The following PBX3 variants were observed in gnomAD, a reference collection of about 807,000 sequenced individuals.
PBX3 encodes the protein PBX homeobox 3.
A neutral mutation model predicts 48.5 loss-of-function variants in PBX3; 14 were observed. That is an observed-to-expected ratio of 0.29 (90% confidence interval 0.19 to 0.45). The LOEUF is 0.45. Among genes scored for constraint, PBX3 ranks in the 20% least tolerant of loss-of-function variants. PBX3 has a pLI of 1.00. For synonymous variants in PBX3, 210 were observed against 200.3 expected, an observed-to-expected ratio of 1.05 and a Z score of -0.41; for missense variants, 386 against 546.7, an observed-to-expected ratio of 0.71 and a Z score of 2.93.
intron 2 of PBX3, among the ~76,000 whole-genome samples, chr9:125,879,444 C>G (rs1044415671): frequency 3.3e-5 from 5 of 151,910 alleles, no homozygotes; most frequent in African/African-American, 1.2e-4. Flanking sequence ...ATATGATAGC[C>G]CATAGGAAAG....
chr9:125,781,239 T>C (rs1336423656), intron 2 of PBX3, among the ~76,000 whole-genome samples: 1 of 151,162 alleles, frequency 6.6e-6, no homozygotes, highest in Non-Finnish European at 1.5e-5. Flanking sequence ...CATTGAGCAC[T>C]GAGTGAACCA....
chr9:125,964,853 T>C (rs574195530), intron 8 of PBX3, among the ~76,000 whole-genome samples: 7 of 152,208 alleles, frequency 4.6e-5, no homozygotes, highest in Admixed American at 1.3e-4. Context: ...AAGTTGCAAA[T>C]AGATGTGAGG....
chr9:125,940,180 G>A (rs1275164608), intron 5 of PBX3, among the ~76,000 whole-genome samples: 4 of 149,196 alleles, frequency 2.7e-5, no homozygotes, highest in Non-Finnish European at 5.9e-5. Context: ...GCAAAACTCC[G>A]TCTCAAAAAA....
At chr9:125,748,741 C>T (rs763508419) in intron 2 of PBX3, 118 bp downstream of exon 2, 76 of 675,496 alleles carry the variant, frequency 1.1e-4, no homozygotes, top group Non-Finnish European at 1.8e-4. Flanking sequence ...TGATCATTCT[C>T]TCCTTCCCAC....
intron 3 of PBX3, among the ~76,000 whole-genome samples, chr9:125,925,447 GTTTC>G (rs1215096342): frequency 2.0e-5 from 3 of 151,874 alleles, no homozygotes; most frequent in East Asian, 1.9e-4. Context: ...GTCTTTCTTT[GTTTC>G]TTTCTTTCTT....
At chr9:125,749,250 G>A (rs536964625) in intron 2 of PBX3, 2 of 152,334 alleles carry the variant, frequency 1.3e-5, no homozygotes, top group Non-Finnish European at 2.9e-5. Flanking sequence ...GTATAAAAAG[G>A]TCTACAGATG....
intron 2 of PBX3, among the ~76,000 whole-genome samples, chr9:125,826,140 G>A (rs1015740084): frequency 1.3e-5 from 2 of 152,064 alleles, no homozygotes; most frequent in Admixed American, 6.5e-5. Flanking sequence ...AGAGATTCTC[G>A]CCTAGTAAAT....
intron 3 of PBX3, 151 bp downstream of exon 3, chr9:125,916,078 G>A (rs1841326209): frequency 6.8e-6 from 8 of 1,179,044 alleles, no homozygotes; most frequent in Non-Finnish European, 7.0e-6. Context: ...TGAATTGTTG[G>A]ATTCATGAAA....
chr9:125,887,741 A>G (rs1188090329), intron 2 of PBX3, among the ~76,000 whole-genome samples: 1 of 152,200 alleles, frequency 6.6e-6, no homozygotes, highest in African/African-American at 2.4e-5. Flanking sequence ...TAAGTTCTTA[A>G]AAGTAAAAAG....
intron 2 of PBX3, among the ~76,000 whole-genome samples, chr9:125,843,442 C>T (rs1368769176): frequency 6.6e-6 from 1 of 151,942 alleles, no homozygotes; most frequent in Non-Finnish European, 1.5e-5. Context: ...TTTAAAAAGG[C>T]TTTTTCCTAT....
chr9:125,831,083 G>A (rs1417428311), intron 2 of PBX3, among the ~76,000 whole-genome samples: 1 of 152,096 alleles, frequency 6.6e-6, no homozygotes, highest in African/African-American at 2.4e-5. Flanking sequence ...TGTTTTTCCT[G>A]TAGAATGCCC....
chr9:125,780,568 C>T (rs1208789359), intron 2 of PBX3, among the ~76,000 whole-genome samples: 1 of 142,218 alleles, frequency 7.0e-6, no homozygotes, highest in Non-Finnish European at 1.5e-5. Context: ...AGAGGGGCTC[C>T]TCACTTCCCA....
At chr9:125,853,251 C>A (rs1394399200) in intron 2 of PBX3, among the ~76,000 whole-genome samples, 1 of 152,172 alleles carries the variant, frequency 6.6e-6, no homozygotes, top group African/African-American at 2.4e-5. Context: ...ATTAAGGTCT[C>A]ACTGATTTAC....
At chr9:125,846,082 T>G (rs1839420467) in intron 2 of PBX3, among the ~76,000 whole-genome samples, 1 of 152,118 alleles carries the variant, frequency 6.6e-6, no homozygotes, top group African/African-American at 2.4e-5. Flanking sequence ...TTTATGTGGG[T>G]TGAAGATGTC....
At chr9:125,817,094 G>A (rs1838488732) in intron 2 of PBX3, among the ~76,000 whole-genome samples, 3 of 152,178 alleles carry the variant, frequency 2.0e-5, no homozygotes, top group South Asian at 4.1e-4. Context: ...TGAAACTAGA[G>A]TGAAGAATTA....
intron 2 of PBX3, among the ~76,000 whole-genome samples, chr9:125,885,419 A>G (rs1840475032): frequency 6.6e-6 from 1 of 152,196 alleles, no homozygotes; most frequent in African/African-American, 2.4e-5. Flanking sequence ...ATATGTACAT[A>G]TATAGATTAT....
chr9:125,783,245 T>C (rs1420371872), intron 2 of PBX3, among the ~76,000 whole-genome samples: 1 of 152,160 alleles, frequency 6.6e-6, no homozygotes, highest in Non-Finnish European at 1.5e-5. Flanking sequence ...TTATTATACA[T>C]TGAGATGCAT....
At chr9:125,748,472 G>C in intron 1 of PBX3, 78 bp from the exon 2 acceptor site, 2 of 1,560,402 alleles carry the variant, frequency 1.3e-6, no homozygotes, top group South Asian at 1.1e-5. Flanking sequence ...ATTAAATCTT[G>C]GGTCTAACTT....
chr9:125,815,851 A>G (rs1838444536), intron 2 of PBX3, among the ~76,000 whole-genome samples: 1 of 151,312 alleles, frequency 6.6e-6, no homozygotes, highest in Non-Finnish European at 1.5e-5. Context: ...ACCGGCTCCT[A>G]CCTCCTTCTC....
Sources: allele counts gnomAD v4.1 joint callset (sites outside exome capture counted in the v4.1 genomes callset), GRCh38; gene constraint gnomAD v4.1.1; transcripts MANE v1.5; gene names NCBI Gene and HGNC (gene_info 2026-07-23, HGNC 2026-07-21).